KCNU1: variants seen among roughly 807,000 people sequenced by gnomAD.
The protein encoded by KCNU1 is potassium calcium-activated channel subfamily U member 1.
A neutral mutation model predicts 126.8 loss-of-function variants in KCNU1; 93 were observed. The ratio of observed to expected loss-of-function variants is 0.73; its 90% confidence interval spans 0.62 to 0.87. KCNU1 has a LOEUF of 0.87. KCNU1 is among the 40% of genes least tolerant of loss of function. The probability of loss-of-function intolerance (pLI) is 0.00; values close to 1 mark genes in which losing one functional copy is unlikely to be tolerated. For synonymous variants in KCNU1, 523 were observed against 494.2 expected, an observed-to-expected ratio of 1.06 and a Z score of -0.77; for missense variants, 1,330 against 1,367.1, an observed-to-expected ratio of 0.97 and a Z score of 0.43.
chr8:36,927,279 A>T (rs1209680786), intron 24 of KCNU1, among the ~76,000 whole-genome samples: 1 of 152,188 alleles, frequency 6.6e-6, no homozygotes, highest in Non-Finnish European at 1.5e-5. Context: ...TTGACATTAA[A>T]ATGGCTTCAA....
intron 2 of KCNU1, among the ~76,000 whole-genome samples, chr8:36,793,911 AG>A (rs1413720335): frequency 6.6e-6 from 1 of 151,982 alleles, no homozygotes; most frequent in African/African-American, 2.4e-5. Context: ...AAAATTGGCC[AG>A]GCATGGTGGT....
chr8:36,889,846 G>A (rs1188778909), intron 19 of KCNU1, among the ~76,000 whole-genome samples: 2 of 151,836 alleles, frequency 1.3e-5, no homozygotes, highest in Non-Finnish European at 2.9e-5. Flanking sequence ...AGAAAAAAAA[G>A]AGAAAATTGC....
intron 19 of KCNU1, among the ~76,000 whole-genome samples, chr8:36,882,489 T>C (rs370458751): frequency 2.0e-5 from 3 of 152,362 alleles, no homozygotes; most frequent in Admixed American, 6.5e-5. Flanking sequence ...CTGCCTCTTT[T>C]TTCTCATTGC....
At chr8:36,845,734 A>G in intron 17 of KCNU1, 65 bp downstream of exon 17, 2 of 1,429,012 alleles carry the variant, frequency 1.4e-6, no homozygotes, top group Non-Finnish European at 2.0e-6. Context: ...AGGCCCACTG[A>G]GTCAGCACCA....
intron 18 of KCNU1, among the ~76,000 whole-genome samples, chr8:36,858,029 A>G (rs892340806): frequency 6.6e-6 from 1 of 152,118 alleles, no homozygotes; most frequent in South Asian, 2.1e-4. Context: ...TGATAATTTC[A>G]CTAGTTAGGG....
chr8:36,861,148 A>G (rs1386854731), intron 18 of KCNU1, among the ~76,000 whole-genome samples: 1 of 152,186 alleles, frequency 6.6e-6, no homozygotes, highest in Non-Finnish European at 1.5e-5. Flanking sequence ...GTTTCTGCAT[A>G]CTTTCTTCTC....
rs751163741 is a variant in KCNU1 at position 36,784,512 on chromosome 8, C to T, written c.102C>T (p.Thr34=). The change falls in exon 1 of 27, where the codon ACC becomes ACT. Residue 34 remains threonine (T), a synonymous_variant. Transcript: ENST00000399881. ...CATTCATTCTCTCTTCCTTTGTGAC[C>T]TTCTTCAGTGGACTCATCATCCTGT... ...QAAFILSSFV[T]FFSGLIILLI... 11 of 1,613,724 alleles carry T rather than the reference C, an allele frequency of 6.8e-6. No individual in the cohort carries two copies. The highest frequency in any genetic ancestry group is 9.3e-6 in the Non-Finnish European group (11 of 1,179,758).
intron 19 of KCNU1, among the ~76,000 whole-genome samples, chr8:36,869,195 GT>G (rs935008091): frequency 1.3e-5 from 2 of 152,140 alleles, no homozygotes; most frequent in African/African-American, 4.8e-5. Flanking sequence ...ATAATCTCAA[GT>G]GAGTAGTGAA....
In KCNU1 at chr8:36,817,289, C is replaced by T. The variant is rs143307913; in HGVS notation, c.996-361C>T. Among the ~76,000 whole-genome samples, 816 of 151,804 alleles carry T rather than the reference C, an allele frequency of 5.4e-3. 8 individuals are homozygous for T. The highest frequency in any genetic ancestry group is 0.019 in the African/African-American group (779 of 41,400). On this transcript the variant is annotated intron_variant, in intron 9 of 26. Transcript: ENST00000399881. ...CTGAGGTGGGCGGATCACCTGAGGT[C>T]GGGAGTTCAAGACCAGCCTGACCAA...
chr8:36,901,636 C>T (rs1246311806), intron 19 of KCNU1, among the ~76,000 whole-genome samples: 1 of 152,192 alleles, frequency 6.6e-6, no homozygotes, highest in Non-Finnish European at 1.5e-5. Flanking sequence ...TATCCAGCAG[C>T]TTCCAAAGCT....
intron 19 of KCNU1, among the ~76,000 whole-genome samples, chr8:36,889,655 A>G (rs1231174047): frequency 6.6e-6 from 1 of 152,168 alleles, no homozygotes; most frequent in Admixed American, 6.6e-5. Flanking sequence ...AAATGTGAAT[A>G]TATGCATAAC....
At position 36,849,588 on chromosome 8, in the gene KCNU1, AAAAC is replaced by A. The variant is rs533264424; in HGVS notation, c.1891+3709_1891+3712del. ...CTGGGTGACAGAGCAAGACTGTCTCAAAACAAACAAACAAACAAACAAAACCCAC... is the reference window on the plus strand; with the variant it reads ...CTGGGTGACAGAGCAAGACTGTCTCAAAACAAACAAACAAACAAAACCCAC... On this transcript the variant is annotated intron_variant, in intron 18 of 26. Coordinates refer to ENST00000399881, the MANE Select transcript of KCNU1 (RefSeq NM_001031836.3). Among the ~76,000 whole-genome samples, 7 of 152,270 alleles carry A rather than the reference AAAAC, an allele frequency of 4.6e-5. No individual in the cohort carries two copies. The East Asian group carries it at 5.8e-4, about 13-fold the overall frequency.
rs1448252511 is a variant in KCNU1, at chr8:36,814,368, G to A, written c.894G>A (p.Leu298=). 4.4e-6 allele frequency: 7 copies of A among 1,605,980 alleles called. No homozygotes were observed. Among genetic ancestry groups the A allele is most frequent in the Non-Finnish European group, 5.1e-6 (6 of 1,174,572 alleles). The change falls in exon 8 of 27, where the codon CTG becomes CTA. Residue 298 remains leucine (L), a synonymous_variant. Transcript: ENST00000399881. ...LGRTFIMFFT[L]GSLILFANYI... ...GGACCTTCATCATGTTCTTCACACTGGGGAGTTTGGTGAAGAATATTTTTA... is the reference window on the plus strand; with the variant it reads ...GGACCTTCATCATGTTCTTCACACTAGGGAGTTTGGTGAAGAATATTTTTA...
chr8:36,904,764 C>T (rs1051746304), intron 19 of KCNU1, among the ~76,000 whole-genome samples: 4 of 152,112 alleles, frequency 2.6e-5, no homozygotes, highest in Admixed American at 2.0e-4. Flanking sequence ...ATGCATGTTC[C>T]AGATGTTGAG....
Position 36,836,284 on chromosome 8 carries a change from G to T in KCNU1, c.1296-12G>T. 2 of 1,568,632 alleles carry T rather than the reference G, an allele frequency of 1.3e-6. No individual in the cohort carries two copies. The highest frequency in any genetic ancestry group is 2.7e-5 in the African/African-American group (2 of 74,132). On this transcript the variant is annotated splice_polypyrimidine_tract_variant and intron_variant, in intron 12 of 26. Transcript: ENST00000399881. Reference sequence around the variant, plus strand: ...GACACATGACTAATGAGAGTGTTTGGGGTTTATATAGGGTGCTCTCTATCA... The same window carrying T: ...GACACATGACTAATGAGAGTGTTTGTGGTTTATATAGGGTGCTCTCTATCA...
intron 19 of KCNU1, among the ~76,000 whole-genome samples, chr8:36,892,500 C>G (rs923823437): frequency 9.2e-6 from 1 of 108,830 alleles, no homozygotes; most frequent in Non-Finnish European, 1.7e-5. Context: ...CACCCCCCAC[C>G]CCCCACCAGG....
intron 10 of KCNU1, among the ~76,000 whole-genome samples, chr8:36,827,086 T>C (rs939872863): frequency 6.6e-6 from 1 of 152,194 alleles, no homozygotes; most frequent in Non-Finnish European, 1.5e-5. Context: ...CTGATTCCTG[T>C]TTTGCACAAC....
At chr8:36,820,911 C>A (rs1804100090) in intron 10 of KCNU1, among the ~76,000 whole-genome samples, 1 of 152,114 alleles carries the variant, frequency 6.6e-6, no homozygotes, top group Non-Finnish European at 1.5e-5. Flanking sequence ...GGAAGCCTGA[C>A]ATTGTCAAAG....
At chr8:36,858,176 CAA>C (rs67265944) in intron 18 of KCNU1, among the ~76,000 whole-genome samples, 9 of 73,040 alleles carry the variant, frequency 1.2e-4, no homozygotes, top group Admixed American at 1.9e-4. Context: ...TCAAGGATGG[CAA>C]AAAAAAAAAA....
Sources: allele counts gnomAD v4.1 joint callset (sites outside exome capture counted in the v4.1 genomes callset), GRCh38; gene constraint gnomAD v4.1.1; transcripts MANE v1.5; gene names NCBI Gene and HGNC (gene_info 2026-07-23, HGNC 2026-07-21).